Variants in IGF2BP2 observed in about 807,000 individuals in gnomAD.
IGF2BP2 encodes insulin like growth factor 2 mRNA binding protein 2.
In IGF2BP2, 17 loss-of-function variants were observed where a neutral mutation model predicts 75.8. The observed-to-expected ratio is 0.22, with a 90% confidence interval of 0.15 to 0.34. IGF2BP2 has a LOEUF of 0.34. Among genes scored for constraint, IGF2BP2 ranks in the 10% least tolerant of loss-of-function variants. The pLI, the probability that IGF2BP2 is intolerant of heterozygous loss-of-function variation, is 1.00. For missense variants in IGF2BP2, 516 were observed against 772.4 expected (o/e 0.67, Z 3.93); for synonymous variants, 288 against 295.6 (o/e 0.97, Z 0.26).
chr3:185,823,235 A>C (rs989485675), intron 1 of IGF2BP2, 22 bp from the exon 2 acceptor site: 1 of 1,590,604 alleles, frequency 6.3e-7, no homozygotes, highest in Admixed American at 1.7e-5. Context: ...AAATTAAAGC[A>C]CTCAGAACCT....
intron 2 of IGF2BP2, among the ~76,000 whole-genome samples, chr3:185,811,863 T>C (rs868055298): frequency 1.4e-4 from 18 of 127,386 alleles, no homozygotes; most frequent in South Asian, 5.6e-4. Context: ...TCTCTCTCTC[T>C]CTCTCTCTCT....
chr3:185,799,520 G>A (rs868859501), intron 2 of IGF2BP2, among the ~76,000 whole-genome samples: 16 of 152,234 alleles, frequency 1.1e-4, no homozygotes, highest in South Asian at 4.1e-4. Context: ...AGGCCGAGGC[G>A]GGCGGATCAC....
At chr3:185,652,238 G>T in intron 12 of IGF2BP2, 70 bp from the exon 13 acceptor site, 1 of 1,339,880 alleles carries the variant, frequency 7.5e-7, no homozygotes, top group Non-Finnish European at 1.0e-6. Flanking sequence ...TTGTCTAAGT[G>T]GACGGCAAGC....
Position 185,647,388 on chromosome 3 carries a change from T to G in IGF2BP2, c.1594-250A>C, listed in dbSNP as rs1713761511. Among the ~76,000 whole-genome samples, 1 of 152,122 alleles carries G rather than the reference T, an allele frequency of 6.6e-6. No homozygotes were observed. The highest frequency in any genetic ancestry group is 2.4e-5 in the African/African-American group (1 of 41,418). The stretch of plus-strand genomic sequence containing the variant: ...AGCCACAGATTCCTGGGGCTGCTTC[T>G]GAGGCGAAGTTCTCTTATTCTGGAG... On this transcript the variant is annotated intron_variant, in intron 14 of 15. Coordinates refer to ENST00000382199, the MANE Select transcript of IGF2BP2 (RefSeq NM_006548.6). This position sits in a 1 kb window ranked among gnomAD's most constrained non-coding sequence, Gnocchi z 4.9.
rs545539369 is a variant in IGF2BP2 at position 185,710,394 on chromosome 3, C to T, written c.240-12047G>A. 5.3e-5 allele frequency among the ~76,000 whole-genome samples: 8 copies of T among 152,130 alleles called. No homozygotes were observed. In the East Asian group the frequency reaches 1.4e-3, roughly 26 times the overall value. On this transcript the variant is annotated intron_variant, in intron 2 of 15. Coordinates refer to ENST00000382199, the MANE Select transcript of IGF2BP2 (RefSeq NM_006548.6). ...CCAACACGCAGAGTCTGCCCCTTGGCCCCTGAAGTTTCCTCTGTTACAGGA... is the reference window on the plus strand; with the variant it reads ...CCAACACGCAGAGTCTGCCCCTTGGTCCCTGAAGTTTCCTCTGTTACAGGA...
intron 2 of IGF2BP2, among the ~76,000 whole-genome samples, chr3:185,743,994 T>C (rs77375134): frequency 4.4e-4 from 67 of 152,354 alleles, no homozygotes; most frequent in Non-Finnish European, 7.5e-4. Context: ...AAACTGCAGA[T>C]AGTGCAAGTG....
chr3:185,759,382 C>T (rs1732055310), intron 2 of IGF2BP2, among the ~76,000 whole-genome samples: 1 of 152,166 alleles, frequency 6.6e-6, no homozygotes, highest in Non-Finnish European at 1.5e-5. Context: ...GTTTCAAGTT[C>T]ATAAAGGAAG....
intron 9 of IGF2BP2, among the ~76,000 whole-genome samples, chr3:185,673,137 C>A (rs1309530697): frequency 6.6e-6 from 1 of 152,196 alleles, no homozygotes; most frequent in Non-Finnish European, 1.5e-5. Context: ...CAAAGATCAG[C>A]TCAAATGCCC....
Position 185,658,268 on chromosome 3 carries a change from C to A in IGF2BP2, c.1269+73G>T, listed in dbSNP as rs560265674. On this transcript the variant is annotated intron_variant, in intron 11 of 15. Coordinates refer to ENST00000382199, the MANE Select transcript of IGF2BP2 (RefSeq NM_006548.6). ...ACAAGATCTGCATTGTGAACATTCA[C>A]TGGCCACCAAGGGCCAAGTGGGCCT... 1.1e-5 allele frequency: 15 copies of A among 1,358,962 alleles called. No individual in the cohort carries two copies. In the Admixed American group the frequency reaches 2.5e-4, roughly 23 times the overall value. 84.2% of individuals were successfully genotyped at this position (1,358,962 alleles called of 1,614,324 possible). A position where few individuals can be genotyped will look rare whatever the true frequency, so the allele number is the denominator to read the frequency against.
At chr3:185,808,476 G>A (rs779861326) in intron 2 of IGF2BP2, among the ~76,000 whole-genome samples, 18 of 151,998 alleles carry the variant, frequency 1.2e-4, no homozygotes, top group Non-Finnish European at 1.8e-4. Flanking sequence ...GCTAAACTCC[G>A]TCTCAAAAAT....
In IGF2BP2 at chr3:185,652,077, T is replaced by A; in HGVS notation, c.1461+17A>T. The A allele has an allele frequency of 1.9e-6, 3 of 1,604,666 alleles. No homozygotes were observed. Among genetic ancestry groups the A allele is most frequent in the Non-Finnish European group, 2.6e-6 (3 of 1,173,304 alleles). On this transcript the variant is annotated intron_variant, in intron 13 of 15. Coordinates refer to ENST00000382199, the MANE Select transcript of IGF2BP2 (RefSeq NM_006548.6). ...GTGCCCAGAGCCTGCAGGGCTGAGGTGTCCCTTGGCACTAACCTTGAACTG... is the reference window on the plus strand; with the variant it reads ...GTGCCCAGAGCCTGCAGGGCTGAGGAGTCCCTTGGCACTAACCTTGAACTG...
chr3:185,821,473 A>G (rs1741368631), intron 2 of IGF2BP2, among the ~76,000 whole-genome samples: 1 of 152,216 alleles, frequency 6.6e-6, no homozygotes, highest in Non-Finnish European at 1.5e-5. Context: ...CTAACAGCAA[A>G]TAATCTGCAT....
At chr3:185,744,783 G>A (rs1204094045) in intron 2 of IGF2BP2, among the ~76,000 whole-genome samples, 3 of 152,160 alleles carry the variant, frequency 2.0e-5, no homozygotes, top group Admixed American at 6.5e-5. Context: ...CACTCCAGGC[G>A]GGGAGACAGA....
chr3:185,769,169 C>T (rs1733520718), intron 2 of IGF2BP2, among the ~76,000 whole-genome samples: 1 of 151,978 alleles, frequency 6.6e-6, no homozygotes, highest in Non-Finnish European at 1.5e-5. Context: ...ACAGCAAAAC[C>T]CCCACCTCTA....
intron 2 of IGF2BP2, among the ~76,000 whole-genome samples, chr3:185,770,322 G>A (rs1043435547): frequency 6.6e-6 from 1 of 152,132 alleles, no homozygotes; most frequent in African/African-American, 2.4e-5. Context: ...GGTGATTTAC[G>A]GGAAACTCCA....
At chr3:185,697,057 A>G (rs186878951) in intron 3 of IGF2BP2, among the ~76,000 whole-genome samples, 1 of 152,344 alleles carries the variant, frequency 6.6e-6, no homozygotes, top group East Asian at 1.9e-4. Context: ...ACAAGGTAAT[A>G]GGATGTGTAT....
At chr3:185,717,182 G>T (rs1256329880) in intron 2 of IGF2BP2, 1 of 180,918 alleles carries the variant, frequency 5.5e-6, no homozygotes, top group Non-Finnish European at 1.2e-5. Context: ...TGAGGGCTGG[G>T]CACCCCGGTC....
At chr3:185,646,226 A>G (rs1713516296) in intron 15 of IGF2BP2, among the ~76,000 whole-genome samples, 1 of 152,100 alleles carries the variant, frequency 6.6e-6, no homozygotes, top group Non-Finnish European at 1.5e-5. Context: ...AGGGACTCTG[A>G]CTGCAGAAGA....
chr3:185,803,283 A>G (rs958325412), intron 2 of IGF2BP2, among the ~76,000 whole-genome samples: 9 of 152,176 alleles, frequency 5.9e-5, no homozygotes, highest in African/African-American at 1.9e-4. Flanking sequence ...CCTGGGAGGC[A>G]GAGGTTGCAG....
Sources: allele counts gnomAD v4.1 joint callset (sites outside exome capture counted in the v4.1 genomes callset), GRCh38; gene constraint gnomAD v4.1.1; non-coding constraint Gnocchi (gnomAD v3.1); transcripts MANE v1.5; gene names NCBI Gene and HGNC (gene_info 2026-07-23, HGNC 2026-07-21).